SDR39U1: variants seen among roughly 807,000 people sequenced by gnomAD.
SDR39U1 encodes the protein epimerase family protein SDR39U1.
SDR39U1 carries 29 observed loss-of-function variants against 31.7 expected under a neutral mutation model. The ratio of observed to expected loss-of-function variants is 0.92; its 90% CI spans 0.68 to 1.25. The LOEUF is 1.25. SDR39U1 is among the 50% of genes most tolerant of loss of function. The pLI, the probability that SDR39U1 is intolerant of heterozygous loss-of-function variation, is 0.00. For missense variants in SDR39U1, 403 were observed against 378.4 expected (o/e 1.06, Z -0.54); for synonymous variants, 147 against 159.0 (o/e 0.92, Z 0.57).
Position 24,440,486 on chromosome 14 carries a change from A to T in SDR39U1, c.479T>A (p.Val160Glu). 1 of 1,603,998 alleles carries T rather than the reference A, an allele frequency of 6.2e-7. No individual in the cohort carries two copies. The change falls in exon 6 of 6, where the codon GTG becomes GAG. Residue 160 changes from valine (V) to glutamate (E), a missense_variant. Coordinates refer to ENST00000399395, the MANE Select transcript of SDR39U1 (RefSeq NM_020195.3). ...CATGGCACCACCCCCACGGCCCAGC[A>T]CAACCCCTAGAGCAGGAAAGAGGGA... is the stretch of plus-strand genomic sequence containing the variant. ...TRQVVVRSGV[V>E]LGRGGGAMGH...
At chr14:24,440,698 G>A in intron 5 of SDR39U1, 85 bp downstream of exon 5, 3 of 1,516,910 alleles carry the variant, frequency 2.0e-6, no homozygotes, top group Non-Finnish European at 1.8e-6. Flanking sequence ...CTCTGTAATT[G>A]TAATCTCAGC....
Position 24,442,390 on chromosome 14 carries a change from C to T in SDR39U1, c.79G>A (p.Val27Met), listed in dbSNP as rs750341478. ...CCGGGCTTTCGGGAGACCAACGTCA[C>T]TTCGTGGCCTCTGGCATTCAGCAGC... Reference protein sequence around the residue: ...TQLLNARGHEVTLVSRKPGPG... With the variant: ...TQLLNARGHEMTLVSRKPGPG... The change falls in exon 2 of 6, where the codon GTG (valine) becomes ATG (methionine). Residue 27 changes from valine to methionine, a missense_variant. By Grantham distance (21) the Val-to-Met change is conservative. Coordinates refer to ENST00000399395, the MANE Select transcript of SDR39U1 (RefSeq NM_020195.3). The T allele has an allele frequency of 1.2e-6, 2 of 1,612,120 alleles. No individual in the cohort carries two copies. The highest frequency in any genetic ancestry group is 1.7e-6 in the Non-Finnish European group (2 of 1,179,118).
In SDR39U1 at chr14:24,442,444, T is replaced by A. The variant is rs779156434; in HGVS notation, c.25A>T (p.Thr9Ser). The change falls in exon 2 of 6, where the codon ACA (threonine) becomes TCA (serine). Residue 9 changes from threonine to serine, a missense_variant. By Grantham distance (58) the Thr-to-Ser change is moderately conservative. Transcript: ENST00000399395. MRVLVGGGTGFIGTALTQL... is the reference protein window; with the variant it reads MRVLVGGGSGFIGTALTQL... ...GTTAGGGCTGTCCCAATGAAGCCTGTCCCGCCACCTGATCGGAAAATACAA... is the reference window on the plus strand; with the variant it reads ...GTTAGGGCTGTCCCAATGAAGCCTGACCCGCCACCTGATCGGAAAATACAA... 24 of 1,604,928 alleles carry A rather than the reference T, an allele frequency of 1.5e-5. No homozygotes were observed. In the African/African-American group the frequency reaches 3.1e-4, roughly 21 times the overall value.
chr14:24,439,864 A>T lies in SDR39U1; in HGVS notation c.*219T>A. ...GCTGCAGGACATGTAGAGAAACCAA[A>T]CTGGGAAATCTTACAAGGAGTTGAA... On this transcript the variant is annotated 3_prime_UTR_variant, in exon 6 of 6. Coordinates refer to ENST00000399395, the MANE Select transcript of SDR39U1 (RefSeq NM_020195.3). 1 of 505,714 alleles carries T rather than the reference A, an allele frequency of 2.0e-6. No individual in the cohort carries two copies. The highest frequency in any genetic ancestry group is 3.5e-6 in the Non-Finnish European group (1 of 286,956). The allele number at this position is 505,714 out of a possible 1,614,324, so 31.3% of individuals were successfully genotyped here.
chr14:24,442,490 G>C, intron 1 of SDR39U1, 38 bp from the exon 2 acceptor site: 1 of 1,551,702 alleles, frequency 6.4e-7, no homozygotes, highest in Non-Finnish European at 8.8e-7. Flanking sequence ...TTCCCGTGGA[G>C]TTGGGGTGGG....
rs199984887 is a variant in SDR39U1 at position 24,442,760 on chromosome 14, G to C, written c.10C>G (p.Leu4Val). The change falls in exon 1 of 6, where the codon CTT (leucine) becomes GTT (valine). Residue 4 changes from leucine to valine, a missense_variant. Physicochemically the swap from Leu to Val is conservative, Grantham distance 32. Coordinates refer to ENST00000399395, the MANE Select transcript of SDR39U1 (RefSeq NM_020195.3). MRV[L>V]VGGGTGFIGT... ...CCTTTCTGCCCTCCCTCACCCACAAGCACACGCATAGCGACTAGGACCTAA... is the reference window on the plus strand; with the variant it reads ...CCTTTCTGCCCTCCCTCACCCACAACCACACGCATAGCGACTAGGACCTAA... The C allele has an allele frequency of 4.0e-5, 64 of 1,613,898 alleles. 2 individuals are homozygous for C. In the South Asian group the frequency reaches 6.9e-4, roughly 17 times the overall value.
chr14:24,442,810 T>C (rs2043394909), upstream of SDR39U1: 5 of 1,612,540 alleles, frequency 3.1e-6, no homozygotes, highest in East Asian at 1.1e-4. Flanking sequence ...GTTTAGAGTT[T>C]ACCTCACCTC....
Position 24,440,219 on chromosome 14 carries a change from AC to A in SDR39U1, c.745del (p.Val249CysfsTer19). On this transcript the variant is annotated frameshift_variant, in exon 6 of 6. Coordinates refer to ENST00000399395, the MANE Select transcript of SDR39U1 (RefSeq NM_020195.3). LOFTEE classifies it high-confidence loss of function. ...ACGCTGTCGCCCAAAGACAGCTTGC[AC>A]CACAGCGCTGGGGAGAGGGATGAAG... is the stretch of plus-strand genomic sequence containing the variant. The part of the protein sequence containing the change: ...RAFIPLPSAV[V>X]QAVFGRQRAI... 1 of 1,613,976 alleles carries A rather than the reference AC, an allele frequency of 6.2e-7. No individual in the cohort carries two copies. Among genetic ancestry groups the A allele is most frequent in the Non-Finnish European group, 8.5e-7 (1 of 1,179,828 alleles).
At chr14:24,441,009 C>T in intron 4 of SDR39U1, 83 bp from the exon 5 acceptor site, 3 of 1,424,982 alleles carry the variant, frequency 2.1e-6, no homozygotes, top group Non-Finnish European at 3.0e-6. Flanking sequence ...TTGGCCTCAC[C>T]TTCTCTGGCC....
Position 24,440,404 on chromosome 14 carries a change from G to A in SDR39U1, c.561C>T (p.His187=). 6.2e-7 allele frequency: 1 copy of A among 1,613,826 alleles called. No individual in the cohort carries two copies. The change falls in exon 6 of 6, where the codon CAC becomes CAT. Residue 187 remains histidine, a synonymous_variant. Transcript: ENST00000399395. ...CGATGTGTATCCAGGGGAAGAATTG[G>A]TGGCCTGAGCCGATGGGGCCCCCCA... The part of the protein sequence containing the change: ...LGLGGPIGSG[H]QFFPWIHIGD...
chr14:24,442,731 T>G (rs1455093766), intron 1 of SDR39U1, 23 bp downstream of exon 1: 3 of 1,613,486 alleles, frequency 1.9e-6, no homozygotes, highest in Non-Finnish European at 1.7e-6. Context: ...CGCCCAGCAC[T>G]CTCCCTTTCT....
chr14:24,440,782 C>T lies in SDR39U1; in HGVS notation c.472+1G>A, dbSNP rs752454938. On this transcript the variant is annotated splice_donor_variant, in intron 5 of 5. Transcript: ENST00000399395. LOFTEE classifies it high-confidence loss of function. ...GTCTGATACCCAGGCCCGTTTCTCACCTGAGCGCACCACCACCTGGCGTGT... is the reference window on the plus strand; with the variant it reads ...GTCTGATACCCAGGCCCGTTTCTCATCTGAGCGCACCACCACCTGGCGTGT... 5.6e-6 allele frequency: 9 copies of T among 1,613,832 alleles called. No individual in the cohort carries two copies. Among genetic ancestry groups the T allele is most frequent in the South Asian group, 1.1e-5 (1 of 91,078 alleles).
chr14:24,442,671 A>G, intron 1 of SDR39U1, 83 bp downstream of exon 1: 1 of 1,548,658 alleles, frequency 6.5e-7, no homozygotes, highest in Non-Finnish European at 8.9e-7. Context: ...TGTGCACTAG[A>G]CAGTGCCCTC....
chr14:24,440,705 C>T, intron 5 of SDR39U1, 78 bp downstream of exon 5: 2 of 1,533,164 alleles, frequency 1.3e-6, no homozygotes, highest in Non-Finnish European at 1.8e-6. Flanking sequence ...ATTGTAATCT[C>T]AGCTCTCCTA....
rs551457382 is a variant in SDR39U1, at chr14:24,439,872, A to G, written c.*211T>C. ...ACATGTAGAGAAACCAAACTGGGAA[A>G]TCTTACAAGGAGTTGAAAAGATTAA... On this transcript the variant is annotated 3_prime_UTR_variant, in exon 6 of 6. Coordinates refer to ENST00000399395, the MANE Select transcript of SDR39U1 (RefSeq NM_020195.3). 3.5e-5 allele frequency: 18 copies of G among 510,570 alleles called. No homozygotes were observed. In the South Asian group the frequency reaches 5.9e-4, roughly 17 times the overall value. 31.6% of individuals were successfully genotyped at this position (510,570 alleles called of 1,614,324 possible).
rs541216462 is a variant in SDR39U1 at position 24,440,328 on chromosome 14, C to T, written c.637G>A (p.Gly213Arg). The change falls in exon 6 of 6, where the codon GGG (glycine) becomes AGG (arginine). Residue 213 changes from glycine (G) to arginine (R), a missense_variant. Transcript: ENST00000399395. ...GATGGAGCCACTCCATTCAGGACCC[C>T]GTGCACGTGGTTTGCTTCAAGGGCA... ...THALEANHVH[G>R]VLNGVAPSSA... is the part of the protein sequence containing the mutation. 2.1e-5 allele frequency: 34 copies of T among 1,613,906 alleles called. No individual in the cohort carries two copies. The highest frequency in any genetic ancestry group is 2.5e-5 in the Non-Finnish European group (30 of 1,179,902).
At chr14:24,441,573 GC>G in intron 4 of SDR39U1, 100 bp downstream of exon 4, 1 of 994,176 alleles carries the variant, frequency 1.0e-6, no homozygotes, top group Non-Finnish European at 1.5e-6. Context: ...AAGTCATTTT[GC>G]CTGGAAAAGA....
chr14:24,440,643 C>T (rs372435674), intron 5 of SDR39U1, 140 bp downstream of exon 5: 1 of 1,353,570 alleles, frequency 7.4e-7, no homozygotes, highest in Middle Eastern at 1.8e-4. Flanking sequence ...TAAGACCTCA[C>T]ACCTTCTCAT....
At position 24,439,953 on chromosome 14, in the gene SDR39U1, A is replaced by G. The variant is rs2043270025; in HGVS notation, c.*130T>C. 1.3e-5 allele frequency: 9 copies of G among 712,176 alleles called. No homozygotes were observed. Among genetic ancestry groups the G allele is most frequent in the Non-Finnish European group, 2.0e-5 (9 of 440,406 alleles). The allele number at this position is 712,176 out of a possible 1,614,324, so 44.1% of individuals were successfully genotyped here. On this transcript the variant is annotated 3_prime_UTR_variant, in exon 6 of 6. Coordinates refer to ENST00000399395, the MANE Select transcript of SDR39U1 (RefSeq NM_020195.3). ...GACAATAAGGTGGAGCAACAGAACA[A>G]TGGGAAAGAGGACTGGGAGAGGAAT...
Sources: gnomAD v4.1 joint callset for allele counts on GRCh38, gnomAD v4.1.1 for gene constraint, MANE v1.5 for transcripts, NCBI Gene and HGNC (gene_info 2026-07-23, HGNC 2026-07-21) for gene names.